The following FMNL2 variants were observed in gnomAD, a reference collection of about 807,000 sequenced individuals.
The protein encoded by FMNL2 is formin like 2, also known as formin-like protein 2.
Under a neutral mutation model 130.2 loss-of-function variants are expected in FMNL2, and 51 were observed. The ratio of observed to expected loss-of-function variants is 0.39; its 90% CI spans 0.31 to 0.49. The LOEUF (loss-of-function observed/expected upper bound fraction) is 0.49. Ranked by LOEUF, FMNL2 falls within the 20% of genes least tolerant of loss-of-function variation. The pLI is 0.85. For missense variants in FMNL2, 977 were observed against 1,316.2 expected, an observed-to-expected ratio of 0.74 and a Z score of 3.99; for synonymous variants, 465 against 467.1, an observed-to-expected ratio of 1.00 and a Z score of 0.06.
chr2:152,367,613 G>A (rs1683633624), intron 1 of FMNL2, among the ~76,000 whole-genome samples: 1 of 152,312 alleles, frequency 6.6e-6, no homozygotes, highest in Non-Finnish European at 1.5e-5. Context: ...AAAATAGTCA[G>A]TCTTAGGTGT....
intron 1 of FMNL2, among the ~76,000 whole-genome samples, chr2:152,501,069 A>G (rs1038970437): frequency 6.6e-6 from 1 of 152,208 alleles, no homozygotes; most frequent in Non-Finnish European, 1.5e-5. Flanking sequence ...TGATTCTTCT[A>G]TGAAATCTTT....
chr2:152,403,185 C>T (rs1478433888), intron 1 of FMNL2, among the ~76,000 whole-genome samples: 7 of 148,120 alleles, frequency 4.7e-5, no homozygotes, highest in Admixed American at 1.4e-4. Context: ...TATCACTTGG[C>T]GGAGGTAGCG....
chr2:152,622,417 T>C (rs7609122), intron 15 of FMNL2: 446,181 of 452,100 alleles, frequency 0.99, 220,424 homozygotes, highest in East Asian at 1. Context: ...TGTGCCGCCT[T>C]GTGAAATGTG....
intron 1 of FMNL2, among the ~76,000 whole-genome samples, chr2:152,347,997 A>G (rs1194883803): frequency 1.4e-5 from 2 of 142,224 alleles, no homozygotes; most frequent in Non-Finnish European, 3.1e-5. Context: ...TCTCCTTCGT[A>G]TTTTTTTCCC....
intron 1 of FMNL2, among the ~76,000 whole-genome samples, chr2:152,407,062 G>A (rs1686021094): frequency 6.6e-6 from 1 of 152,094 alleles, no homozygotes; most frequent in Admixed American, 6.5e-5. Flanking sequence ...TGGGTTGCTG[G>A]GACGATTAGA....
At position 152,460,645 on chromosome 2, in the gene FMNL2, G is replaced by A. The variant is rs138865158; in HGVS notation, c.118-61298G>A. On this transcript the variant is annotated intron_variant, in intron 1 of 25. Coordinates refer to ENST00000288670, the MANE Select transcript of FMNL2 (RefSeq NM_052905.4). ...GCAAAGCTTTGTTTGTGTTTACAGT[G>A]CTCCCCATCACTTGCATTACTGCTT... 6.9e-3 allele frequency among the ~76,000 whole-genome samples: 1,049 copies of A among 152,310 alleles called. 12 individuals are homozygous for A. The highest frequency in any genetic ancestry group is 0.024 in the African/African-American group (996 of 41,554).
chr2:152,437,475 C>T (rs112147282), intron 1 of FMNL2, among the ~76,000 whole-genome samples: 2 of 152,184 alleles, frequency 1.3e-5, no homozygotes, highest in Non-Finnish European at 2.9e-5. Context: ...ATGCACCCCC[C>T]CTGCGGTGAA....
intron 25 of FMNL2, among the ~76,000 whole-genome samples, chr2:152,647,087 A>G (rs1258212253): frequency 6.6e-6 from 1 of 150,618 alleles, no homozygotes; most frequent in Non-Finnish European, 1.5e-5. Context: ...TGGGTGGTAG[A>G]GCTCGGTAGT....
rs35753197 is a variant in FMNL2, at chr2:152,599,405, C to CTTTTTTTTTTTTTTTT, written c.877-7917_877-7902dup. On this transcript the variant is annotated intron_variant, in intron 9 of 25. Transcript: ENST00000288670. ...CTCTCTAGAATTTATTGAAGGTCAT[C>CTTTTTTTTTTTTTTTT]TTTTTTTTTTTTTTTTTTTTTTTTT... Among the ~76,000 whole-genome samples the CTTTTTTTTTTTTTTTT allele has an allele frequency of 6.7e-5, 3 of 45,070 alleles. 1 individual carries two copies. Among genetic ancestry groups the CTTTTTTTTTTTTTTTT allele is most frequent in the African/African-American group, 1.5e-4 (2 of 12,924 alleles). 29.6% of individuals were successfully genotyped at this position (45,070 alleles called of 152,430 possible). A position where few individuals can be genotyped will look rare whatever the true frequency, so the allele number is the denominator to read the frequency against.
intron 1 of FMNL2, among the ~76,000 whole-genome samples, chr2:152,338,838 C>A (rs867982282): frequency 6.6e-6 from 1 of 151,848 alleles, no homozygotes; most frequent in East Asian, 1.9e-4. Context: ...CACACACACA[C>A]ACACACACAC....
intron 1 of FMNL2, among the ~76,000 whole-genome samples, chr2:152,428,051 A>G (rs943257989): frequency 6.6e-6 from 1 of 152,210 alleles, no homozygotes; most frequent in Non-Finnish European, 1.5e-5. Flanking sequence ...CACACTGCCA[A>G]ATTGCCACAT....
At chr2:152,446,850 A>G (rs1294374512) in intron 1 of FMNL2, among the ~76,000 whole-genome samples, 1 of 152,142 alleles carries the variant, frequency 6.6e-6, no homozygotes, top group African/African-American at 2.4e-5. Context: ...TCGCAACACA[A>G]CTGGTGCTCA....
intron 6 of FMNL2, among the ~76,000 whole-genome samples, chr2:152,568,787 C>T (rs573085139): frequency 2.3e-4 from 35 of 152,070 alleles, no homozygotes; most frequent in Non-Finnish European, 4.7e-4. Context: ...GGTAACCACC[C>T]CCAGATTCAA....
At chr2:152,633,086 A>C (rs1055308528) in intron 21 of FMNL2, among the ~76,000 whole-genome samples, 1 of 150,614 alleles carries the variant, frequency 6.6e-6, no homozygotes, top group African/African-American at 2.4e-5. Flanking sequence ...TGTCCATTGC[A>C]ATCTGTGCTC....
chr2:152,432,403 C>T (rs1242772653), intron 1 of FMNL2, among the ~76,000 whole-genome samples: 4 of 152,164 alleles, frequency 2.6e-5, no homozygotes, highest in African/African-American at 9.7e-5. Flanking sequence ...AGGTCTGATA[C>T]ACCCATCCTA....
intron 1 of FMNL2, among the ~76,000 whole-genome samples, chr2:152,348,488 C>T (rs1385971787): frequency 6.6e-6 from 1 of 152,202 alleles, no homozygotes; most frequent in Non-Finnish European, 1.5e-5. Flanking sequence ...CTCTGGATAC[C>T]TATTTAACTG....
chr2:152,464,000 T>G (rs1689389632), intron 1 of FMNL2, among the ~76,000 whole-genome samples: 1 of 152,236 alleles, frequency 6.6e-6, no homozygotes, highest in Non-Finnish European at 1.5e-5. Context: ...TGGTGCAGTC[T>G]TGGCTCACTG....
At chr2:152,576,631 A>G (rs1366337911) in intron 7 of FMNL2, among the ~76,000 whole-genome samples, 2 of 152,150 alleles carry the variant, frequency 1.3e-5, no homozygotes, top group Non-Finnish European at 2.9e-5. Flanking sequence ...AACCATTACT[A>G]AGTACTGTAG....
intron 6 of FMNL2, 80 bp from the exon 7 acceptor site, chr2:152,575,056 G>T: frequency 1.3e-6 from 1 of 743,210 alleles, no homozygotes; most frequent in Non-Finnish European, 2.2e-6. Flanking sequence ...TACTGGTGAA[G>T]AGTAGTGTCT....
Sources: gnomAD v4.1 joint callset for allele counts (sites outside exome capture counted in the v4.1 genomes callset) on GRCh38, gnomAD v4.1.1 for gene constraint, MANE v1.5 for transcripts, NCBI Gene and HGNC (gene_info 2026-07-23, HGNC 2026-07-21) for gene names.